ZNF536: variants seen among roughly 807,000 people sequenced by gnomAD.
The protein encoded by ZNF536 is zinc finger protein 536.
A neutral mutation model predicts 84.5 loss-of-function variants in ZNF536; 13 were observed. The observed-to-expected ratio is 0.15, with a 90% confidence interval of 0.10 to 0.24. The LOEUF is 0.24. Ranked by LOEUF, ZNF536 falls within the 10% of genes least tolerant of loss-of-function variation. The pLI, the probability that ZNF536 is intolerant of heterozygous loss-of-function variation, is 1.00. For synonymous variants in ZNF536, 811 were observed against 742.5 expected (o/e 1.09, Z -1.50); for missense variants, 1,536 against 1,747.5 (o/e 0.88, Z 2.16).
chr19:30,362,971 A>G (rs1298336815), intron 3 of ZNF536, among the ~76,000 whole-genome samples: 1 of 152,038 alleles, frequency 6.6e-6, no homozygotes, highest in African/African-American at 2.4e-5. Context: ...AGGCCAGAGA[A>G]TCGCTTGAAC....
chr19:30,274,170 G>C (rs948971023), intron 1 of ZNF536, among the ~76,000 whole-genome samples: 1 of 152,178 alleles, frequency 6.6e-6, no homozygotes, highest in African/African-American at 2.4e-5. Context: ...AGATCAGGGG[G>C]ACCAACGTTT....
At chr19:30,290,624 C>A (rs1450260221) in intron 2 of ZNF536, among the ~76,000 whole-genome samples, 1 of 152,138 alleles carries the variant, frequency 6.6e-6, no homozygotes, top group African/African-American at 2.4e-5. Context: ...CTGCTTCCAC[C>A]TCATCACTCT....
intron 2 of ZNF536, among the ~76,000 whole-genome samples, chr19:30,337,195 C>T (rs144085573): frequency 3.3e-4 from 50 of 152,280 alleles, no homozygotes; most frequent in Non-Finnish European, 5.9e-4. Flanking sequence ...CCTGCTGAGG[C>T]TCTCAGGGCT....
At chr19:30,359,284 T>C (rs968344365) in intron 3 of ZNF536, among the ~76,000 whole-genome samples, 1 of 152,152 alleles carries the variant, frequency 6.6e-6, no homozygotes, top group Non-Finnish European at 1.5e-5. Flanking sequence ...GTGCATGGTG[T>C]GGGGAGGGCT....
At chr19:30,263,481 G>A (rs1248001871) in intron 1 of ZNF536, among the ~76,000 whole-genome samples, 1 of 152,124 alleles carries the variant, frequency 6.6e-6, no homozygotes, top group Non-Finnish European at 1.5e-5. Flanking sequence ...CCATTGCTGA[G>A]GAAGGATGGA....
chr19:30,582,009 T>C (rs1187935658), intron 1 of ZNF536, among the ~76,000 whole-genome samples: 3 of 152,114 alleles, frequency 2.0e-5, no homozygotes, highest in Non-Finnish European at 4.4e-5. Flanking sequence ...AGACACTGAA[T>C]GTCGCAGGAT....
chr19:30,535,722 A>G (rs1170585343), intron 3 of ZNF536, among the ~76,000 whole-genome samples: 1 of 150,600 alleles, frequency 6.6e-6, no homozygotes, highest in Non-Finnish European at 1.5e-5. Flanking sequence ...CATTGCCAAT[A>G]TAAAAAAAAA....
At chr19:30,377,585 C>T (rs1437430123) in intron 1 of ZNF536, among the ~76,000 whole-genome samples, 1 of 152,074 alleles carries the variant, frequency 6.6e-6, no homozygotes. Flanking sequence ...AGGTCCAATG[C>T]TCGTATATAT....
intron 2 of ZNF536, among the ~76,000 whole-genome samples, chr19:30,319,941 T>C (rs2046801401): frequency 6.6e-6 from 1 of 152,232 alleles, no homozygotes; most frequent in Non-Finnish European, 1.5e-5. Flanking sequence ...AAAATGGAGA[T>C]AGCTTTGTGT....
At chr19:30,684,749 G>A (rs1664903526) in intron 1 of ZNF536, among the ~76,000 whole-genome samples, 1 of 152,196 alleles carries the variant, frequency 6.6e-6, no homozygotes, top group African/African-American at 2.4e-5. Flanking sequence ...AGGCAAGGGA[G>A]GGGGCTGTTG....
chr19:30,695,974 C>T (rs1369971449), intron 1 of ZNF536, among the ~76,000 whole-genome samples: 1 of 152,172 alleles, frequency 6.6e-6, no homozygotes, highest in Admixed American at 6.6e-5. Flanking sequence ...ATAGGTGCTG[C>T]GTCTGCTAAT....
chr19:30,616,663 CA>C (rs1568606508), intron 1 of ZNF536, among the ~76,000 whole-genome samples: 1 of 151,984 alleles, frequency 6.6e-6, no homozygotes, highest in South Asian at 2.1e-4. Context: ...ATATCACCTT[CA>C]AAAAAAGAAT....
intron 1 of ZNF536, among the ~76,000 whole-genome samples, chr19:30,660,774 C>T (rs1031479690): frequency 6.6e-6 from 1 of 152,188 alleles, no homozygotes; most frequent in African/African-American, 2.4e-5. Flanking sequence ...TTGACAGTAG[C>T]GGCTAGTAAT....
intron 1 of ZNF536, among the ~76,000 whole-genome samples, chr19:30,651,204 T>C (rs1296997172): frequency 6.6e-6 from 1 of 152,186 alleles, no homozygotes; most frequent in Non-Finnish European, 1.5e-5. Context: ...ACTCCACAGG[T>C]ACCGGAAGCG....
intron 2 of ZNF536, among the ~76,000 whole-genome samples, chr19:30,347,877 A>T (rs2047799369): frequency 6.6e-6 from 1 of 152,144 alleles, no homozygotes; most frequent in Non-Finnish European, 1.5e-5. Flanking sequence ...TGGAGGGGAG[A>T]CAAAGATGGG....
In ZNF536 at chr19:30,462,572, A is replaced by ATTGAT. The variant is rs1224199530; in HGVS notation, c.2170+16840_2170+16841insTTGAT. 8.4e-4 allele frequency among the ~76,000 whole-genome samples: 128 copies of ATTGAT among 152,218 alleles called. 2 individuals are homozygous for ATTGAT. Among genetic ancestry groups the ATTGAT allele is most frequent in the Non-Finnish European group, 1.1e-3 (77 of 68,008 alleles). On this transcript the variant is annotated intron_variant, in intron 2 of 4. Transcript: ENST00000355537. ...ATGTGTATTGATGTGTGCACAGGTG[A>ATTGAT]CAGTGACTTGGGATGTGAATGTCAG...
chr19:30,557,233 A>C lies in ZNF536; in HGVS notation c.*69A>C. On this transcript the variant is annotated 3_prime_UTR_variant, in exon 5 of 5. Transcript: ENST00000355537. ...TTCGTGGTCCTCGGTGGTTATCTGC[A>C]GCTTGTTAATCGTGTAAAGTCAAGA... The C allele has an allele frequency of 6.4e-7, 1 of 1,556,192 alleles. No individual in the cohort carries two copies. The highest frequency in any genetic ancestry group is 1.1e-5 in the South Asian group (1 of 89,140).
At position 30,356,748 on chromosome 19, in the gene ZNF536, G is replaced by C. The variant is rs1363762281; in HGVS notation, c.-3+4264G>C. Among the ~76,000 whole-genome samples the C allele has an allele frequency of 2.0e-5, 3 of 152,170 alleles. No individual in the cohort carries two copies. The East Asian group carries it at 5.8e-4, about 29-fold the overall frequency. The stretch of plus-strand genomic sequence containing the variant: ...AGAAGATAGAGTGGAGCTCATTCTC[G>C]CATGTGCATTTCTTGATATCATCTC... On this transcript the variant is annotated intron_variant, in intron 3 of 5. Coordinates refer to the ZNF536 transcript ENST00000585628.
At chr19:30,528,143 G>T (rs758926622) in intron 2 of ZNF536, among the ~76,000 whole-genome samples, 1 of 152,142 alleles carries the variant, frequency 6.6e-6, no homozygotes, top group Non-Finnish European at 1.5e-5. Flanking sequence ...GCGCCAGGGT[G>T]TTCACAGAGT....
Sources: allele counts gnomAD v4.1 joint callset (sites outside exome capture counted in the v4.1 genomes callset), GRCh38; gene constraint gnomAD v4.1.1; transcripts MANE v1.5; gene names NCBI Gene and HGNC (gene_info 2026-07-23, HGNC 2026-07-21).